DLGAP2: variants seen among roughly 807,000 people sequenced by gnomAD.
DLGAP2 encodes the protein disks large-associated protein 2.
Under a neutral mutation model 100.3 loss-of-function variants are expected in DLGAP2, and 26 were observed. The ratio of observed to expected loss-of-function variants is 0.26; its 90% CI spans 0.19 to 0.36. The LOEUF (loss-of-function observed/expected upper bound fraction) is 0.36, where lower values mean the gene tolerates loss of function less well. Among genes scored for constraint, DLGAP2 ranks in the 10% least tolerant of loss-of-function variants. The pLI, the probability that DLGAP2 is intolerant of heterozygous loss-of-function variation, is 1.00. For missense variants in DLGAP2, 1,858 were observed against 1,453.2 expected (o/e 1.28, Z -4.53); for synonymous variants, 886 against 630.1 (o/e 1.41, Z -6.08).
intron 2 of DLGAP2, among the ~76,000 whole-genome samples, chr8:1,163,118 C>T (rs1796923828): frequency 6.6e-6 from 1 of 152,280 alleles, no homozygotes; most frequent in South Asian, 2.1e-4. Flanking sequence ...GATCGTGTGT[C>T]TTGTCCCCTC....
Position 1,633,003 on chromosome 8 carries a change from G to A in DLGAP2, c.1767G>A (p.Met589Ile). ...GYSQDDECIP[M>I]MTPSDITSTI... ...CCCAAGATGACGAATGTATTCCCAT[G>A]ATGACACCCTCTGACATCACCTCCA... is the stretch of plus-strand genomic sequence containing the variant. Residue 589 changes from methionine (M) to isoleucine (I), a missense_variant, in exon 8 of 15, where the codon ATG (methionine) becomes ATA (isoleucine). Coordinates refer to ENST00000637795, the MANE Select transcript of DLGAP2 (RefSeq NM_001346810.2). 1 of 1,613,994 alleles carries A rather than the reference G, an allele frequency of 6.2e-7. No homozygotes were observed. Among genetic ancestry groups the A allele is most frequent in the South Asian group, 1.1e-5 (1 of 91,082 alleles).
At chr8:1,086,154 C>T (rs73524620) in intron 2 of DLGAP2, among the ~76,000 whole-genome samples, 4,355 of 152,144 alleles carry the variant, frequency 0.029, 177 homozygotes, top group African/African-American at 0.097. Flanking sequence ...TTGGTTTTAA[C>T]AGTTTTTGGT....
intron 2 of DLGAP2, among the ~76,000 whole-genome samples, chr8:1,126,879 C>A (rs1027753492): frequency 6.6e-6 from 1 of 151,888 alleles, no homozygotes; most frequent in African/African-American, 2.4e-5. Context: ...CCTGGGGAAA[C>A]GGGACTGCCC....
intron 4 of DLGAP2, among the ~76,000 whole-genome samples, chr8:1,526,065 C>T (rs1348879030): frequency 1.3e-5 from 2 of 151,700 alleles, no homozygotes; most frequent in Non-Finnish European, 2.9e-5. Context: ...AGCATTTCCT[C>T]TGAGCGTCAC....
At chr8:954,049 G>A (rs922468443) in intron 2 of DLGAP2, among the ~76,000 whole-genome samples, 2 of 152,186 alleles carry the variant, frequency 1.3e-5, no homozygotes, top group Admixed American at 6.5e-5. Context: ...TGTGTGCACT[G>A]TTAGGCAACC....
At chr8:1,632,582 G>C (rs1296486048) in intron 7 of DLGAP2, among the ~76,000 whole-genome samples, 1 of 152,166 alleles carries the variant, frequency 6.6e-6, no homozygotes, top group Non-Finnish European at 1.5e-5. Flanking sequence ...TTGAAGGTTT[G>C]CCTTGCGGTC....
At chr8:748,538 G>A (rs776282361) in intron 1 of DLGAP2, among the ~76,000 whole-genome samples, 2 of 152,190 alleles carry the variant, frequency 1.3e-5, no homozygotes, top group African/African-American at 4.8e-5. Flanking sequence ...TCCCAGAAAA[G>A]CAGCAGAGTC....
intron 2 of DLGAP2, among the ~76,000 whole-genome samples, chr8:1,257,063 C>T (rs536851250): frequency 1.3e-3 from 193 of 152,288 alleles, no homozygotes; most frequent in African/African-American, 4.4e-3. Flanking sequence ...CCTCCACCGG[C>T]GCCCGTGAAG....
intron 3 of DLGAP2, among the ~76,000 whole-genome samples, chr8:1,321,835 A>G (rs539909419): frequency 1.3e-5 from 2 of 152,338 alleles, no homozygotes; most frequent in Non-Finnish European, 2.9e-5. Flanking sequence ...TGGATTCTGG[A>G]TAAACAAGGG....
At chr8:1,516,997 A>C (rs915408652) in intron 4 of DLGAP2, among the ~76,000 whole-genome samples, 41 of 152,152 alleles carry the variant, frequency 2.7e-4, no homozygotes, top group Admixed American at 1.1e-3. Flanking sequence ...AGTCCCCAAC[A>C]GCCCCAGGGT....
chr8:1,557,026 G>A (rs1360099688), intron 5 of DLGAP2, among the ~76,000 whole-genome samples: 1 of 151,906 alleles, frequency 6.6e-6, no homozygotes, highest in African/African-American at 2.4e-5. Context: ...CGTTTCTCAA[G>A]CTCAGCACGG....
intron 1 of DLGAP2, among the ~76,000 whole-genome samples, chr8:850,355 G>A (rs1018894295): frequency 1.8e-4 from 27 of 152,020 alleles, no homozygotes; most frequent in Non-Finnish European, 2.6e-4. Context: ...TAAAAGTTAC[G>A]CTGCCTCTTG....
At chr8:1,062,971 GC>G (rs1803132020) in intron 2 of DLGAP2, among the ~76,000 whole-genome samples, 1 of 152,198 alleles carries the variant, frequency 6.6e-6, no homozygotes, top group African/African-American at 2.4e-5. Flanking sequence ...CAGCCGGGCT[GC>G]TGGTTTCAGT....
At position 1,676,495 on chromosome 8, in the gene DLGAP2, G is replaced by C. The variant is rs750012072; in HGVS notation, c.2203-38G>C. On this transcript the variant is annotated intron_variant, in intron 10 of 14. Transcript: ENST00000637795. ...AAATAGTCCCTTGCCCAGGCCCCAT[G>C]TTTCAGTTCTAAAATAAGACGTTCT... The C allele has an allele frequency of 5.0e-6, 8 of 1,592,354 alleles. 1 individual carries two copies. The highest frequency in any genetic ancestry group is 6.0e-6 in the Non-Finnish European group (7 of 1,167,702).
chr8:1,266,297 C>G (rs1358944316), intron 3 of DLGAP2, among the ~76,000 whole-genome samples: 1 of 152,182 alleles, frequency 6.6e-6, no homozygotes, highest in African/African-American at 2.4e-5. Flanking sequence ...AGCAGCCATG[C>G]TTTTATTGGA....
intron 2 of DLGAP2, among the ~76,000 whole-genome samples, chr8:1,020,833 A>C (rs1465002456): frequency 6.6e-6 from 1 of 152,194 alleles, no homozygotes; most frequent in African/African-American, 2.4e-5. Context: ...CAGAGACTGA[A>C]CAGTCTTGGG....
At chr8:1,015,148 T>A (rs1298573945) in intron 2 of DLGAP2, among the ~76,000 whole-genome samples, 10 of 19,098 alleles carry the variant, frequency 5.2e-4, no homozygotes, top group East Asian at 4.7e-3. Flanking sequence ...ACTGTGTGTG[T>A]GACCAGGACA....
intron 3 of DLGAP2, among the ~76,000 whole-genome samples, chr8:1,271,747 CTTG>C (rs558299431): frequency 1.9e-4 from 29 of 152,248 alleles, no homozygotes; most frequent in East Asian, 1.5e-3. Context: ...AGGCTACAAA[CTTG>C]TTGTTTAAGA....
Position 1,195,024 on chromosome 8 carries a change from C to G in DLGAP2, c.74-63827C>G, listed in dbSNP as rs116240712. Among the ~76,000 whole-genome samples the G allele has an allele frequency of 6.5e-3, 988 of 152,372 alleles. 8 individuals are homozygous for G. Among genetic ancestry groups the G allele is most frequent in the African/African-American group, 0.023 (947 of 41,594 alleles). Reference sequence around the variant, plus strand: ...CCTCGTGCCCTGCTCTCCTGAGAAGCTTGGGCACACTTTGTTCGTTTCAGA... The same window carrying G: ...CCTCGTGCCCTGCTCTCCTGAGAAGGTTGGGCACACTTTGTTCGTTTCAGA... On this transcript the variant is annotated intron_variant, in intron 2 of 14. Transcript: ENST00000637795.
Sources: gnomAD v4.1 joint callset for allele counts (sites outside exome capture counted in the v4.1 genomes callset) on GRCh38, gnomAD v4.1.1 for gene constraint, MANE v1.5 for transcripts, NCBI Gene and HGNC (gene_info 2026-07-23, HGNC 2026-07-21) for gene names.